The following CSMD2 variants were observed in gnomAD, a reference collection of about 807,000 sequenced individuals.
CSMD2 encodes the protein CUB and sushi domain-containing protein 2.
In CSMD2, 130 loss-of-function variants were observed where a neutral mutation model predicts 398.5. That is an observed-to-expected ratio of 0.33 (90% CI 0.28 to 0.38). The LOEUF is 0.38. Ranked by LOEUF, CSMD2 falls within the 10% of genes least tolerant of loss-of-function variation. The pLI is 1.00. For missense variants in CSMD2, 3,829 were observed against 4,764.9 expected (o/e 0.80, Z 5.78); for synonymous variants, 1,828 against 1,908.5 (o/e 0.96, Z 1.10).
Position 33,571,519 on chromosome 1 carries a change from T to C in CSMD2, c.7957+13A>G, listed in dbSNP as rs747498648. On this transcript the variant is annotated intron_variant, in intron 51 of 70. Coordinates refer to ENST00000373381, the MANE Select transcript of CSMD2 (RefSeq NM_001281956.2). ...CCCTGCTAAACTTGCCCACCCTCCC[T>C]TCCTGGGCTTACTTCGGCAGGTGGG... 12 of 1,435,750 alleles carry C rather than the reference T, an allele frequency of 8.4e-6. No individual in the cohort carries two copies. The South Asian group carries it at 2.1e-4, about 25-fold the overall frequency. The allele number at this position is 1,435,750 out of a possible 1,614,324, so 88.9% of individuals were successfully genotyped here. A position where few individuals can be genotyped will look rare whatever the true frequency, so the allele number is the denominator to read the frequency against.
chr1:34,092,386 AGATTGTCGGGGG>A (rs1403721936), intron 1 of CSMD2, among the ~76,000 whole-genome samples: 1 of 152,212 alleles, frequency 6.6e-6, no homozygotes, highest in African/African-American at 2.4e-5. Flanking sequence ...CTGGAAAAAT[AGATTGTCGGGGG>A]GAGGAGCCAA....
Position 33,635,177 on chromosome 1 carries a change from C to G in CSMD2, c.5086+37G>C, listed in dbSNP as rs371483149. ...TCATTTTGGAATGAGGGTGAGGAGT[C>G]AGAAAACATATGAACAACAACAACC... On this transcript the variant is annotated intron_variant, in intron 31 of 70. Transcript: ENST00000373381. The surrounding 1 kb of genome is among the most constrained non-coding windows in gnomAD (Gnocchi z 5.0). 4 of 1,330,752 alleles carry G rather than the reference C, an allele frequency of 3.0e-6. No individual in the cohort carries two copies. In the African/African-American group the frequency reaches 4.3e-5, roughly 14 times the overall value. The allele number at this position is 1,330,752 out of a possible 1,614,324, so 82.4% of individuals were successfully genotyped here.
Position 33,652,353 on chromosome 1 carries a change from G to T in CSMD2, c.4556C>A (p.Pro1519Gln). The T allele has an allele frequency of 6.2e-7, 1 of 1,614,144 alleles. No homozygotes were observed. Among genetic ancestry groups the T allele is most frequent in the Non-Finnish European group, 8.5e-7 (1 of 1,180,018 alleles). The change falls in exon 28 of 71, where the codon CCA (proline) becomes CAA (glutamine). Residue 1519 changes from proline to glutamine, a missense_variant. Around this residue, in one of 5 missense-constraint regions of CSMD2, gnomAD observed 2,001 missense variants for 2,567.1 expected, o/e 0.78. Coordinates refer to ENST00000373381, the MANE Select transcript of CSMD2 (RefSeq NM_001281956.2). ...AAATACCAGGGCGATGACGTAGTCT[G>T]GTGAGACGGTCACTTTCCAGTCACA... ...KECDWKVTVSPDYVIALVFNI... is the reference protein window; with the variant it reads ...KECDWKVTVSQDYVIALVFNI...
intron 1 of CSMD2, among the ~76,000 whole-genome samples, chr1:34,125,118 G>C (rs1662602461): frequency 6.6e-6 from 1 of 152,160 alleles, no homozygotes; most frequent in African/African-American, 2.4e-5. Flanking sequence ...GCCAACTCAG[G>C]GAGTGACAAA....
At chr1:33,875,012 A>G (rs1016157861) in intron 5 of CSMD2, among the ~76,000 whole-genome samples, 3 of 152,268 alleles carry the variant, frequency 2.0e-5, no homozygotes, top group East Asian at 3.9e-4. Context: ...TGTGCAAAGT[A>G]TCTACTCTGC....
intron 1 of CSMD2, among the ~76,000 whole-genome samples, chr1:34,097,545 T>C (rs1659470241): frequency 2.2e-5 from 3 of 135,252 alleles, no homozygotes; most frequent in East Asian, 2.2e-4. Flanking sequence ...GAATCTACAA[T>C]GAACTCAAAC....
intron 1 of CSMD2, among the ~76,000 whole-genome samples, chr1:34,145,525 C>G (rs1390484559): frequency 6.6e-6 from 1 of 152,186 alleles, no homozygotes; most frequent in East Asian, 1.9e-4. Context: ...TAGGTGGGAT[C>G]TGGGGAGAGC....
intron 1 of CSMD2, among the ~76,000 whole-genome samples, chr1:34,144,245 C>G (rs1558457189): frequency 6.6e-6 from 1 of 152,152 alleles, no homozygotes; most frequent in African/African-American, 2.4e-5. Flanking sequence ...CCAACCAGCT[C>G]AGGTCCAGAT....
intron 29 of CSMD2, among the ~76,000 whole-genome samples, chr1:33,639,904 C>T (rs115813969): frequency 2.4e-4 from 36 of 152,330 alleles, no homozygotes; most frequent in African/African-American, 8.4e-4. Context: ...TCACAATACC[C>T]TCTGCAGAAG....
At chr1:33,693,514 T>C (rs72662069) in intron 24 of CSMD2, among the ~76,000 whole-genome samples, 4,222 of 152,322 alleles carry the variant, frequency 0.028, 81 homozygotes, top group Non-Finnish European at 0.043. Flanking sequence ...ATGGTGCAGC[T>C]GCTTTCAAAA....
chr1:33,729,936 A>C (rs1283361067), intron 15 of CSMD2, among the ~76,000 whole-genome samples: 2 of 152,216 alleles, frequency 1.3e-5, no homozygotes, highest in Non-Finnish European at 2.9e-5. Flanking sequence ...TCTCTGACCC[A>C]GCAATTCTAT....
At chr1:33,783,559 C>G (rs12141105) in intron 12 of CSMD2, among the ~76,000 whole-genome samples, 19,288 of 151,836 alleles carry the variant, frequency 0.13, 1,594 homozygotes, top group Non-Finnish European at 0.18. Flanking sequence ...AAGCCCTCAT[C>G]AGAAACCAAA....
chr1:33,890,232 C>T (rs1246697880), intron 5 of CSMD2, among the ~76,000 whole-genome samples: 8 of 130,396 alleles, frequency 6.1e-5, no homozygotes, highest in East Asian at 2.2e-4. Context: ...CTTTTTCTTT[C>T]TTTTTTTTTT....
chr1:33,885,205 G>A (rs778869941), intron 5 of CSMD2: 1 of 152,092 alleles, frequency 6.6e-6, no homozygotes, highest in East Asian at 1.9e-4. Context: ...TTTGACTTCC[G>A]AGACATATCA....
At chr1:33,739,806 A>C (rs926901164) in intron 14 of CSMD2, among the ~76,000 whole-genome samples, 1 of 151,798 alleles carries the variant, frequency 6.6e-6, no homozygotes, top group Non-Finnish European at 1.5e-5. Context: ...ACGCTAATAG[A>C]CTCTAAGCAT....
intron 5 of CSMD2, chr1:33,862,862 C>A (rs771122070): frequency 2.6e-5 from 4 of 152,206 alleles, no homozygotes; most frequent in Non-Finnish European, 5.9e-5. Flanking sequence ...CTTTCTTTTA[C>A]AGAAGATGAA....
At chr1:34,027,167 A>G (rs1430412403) in intron 3 of CSMD2, among the ~76,000 whole-genome samples, 1 of 152,256 alleles carries the variant, frequency 6.6e-6, no homozygotes, top group Non-Finnish European at 1.5e-5. Flanking sequence ...TGCAAAAAGC[A>G]CTTACAAAGA....
intron 5 of CSMD2, among the ~76,000 whole-genome samples, chr1:33,849,554 A>C (rs967926619): frequency 6.6e-6 from 1 of 152,186 alleles, no homozygotes; most frequent in African/African-American, 2.4e-5. Context: ...GGGGTGATGG[A>C]AATGTCTTAC....
intron 11 of CSMD2, among the ~76,000 whole-genome samples, chr1:33,790,707 T>TATC (rs1169631342): frequency 7.2e-5 from 10 of 138,152 alleles, no homozygotes; most frequent in East Asian, 4.0e-4. Context: ...ATCTATCATC[T>TATC]ATCTGTCTAT....
Sources: gnomAD v4.1 joint callset for allele counts (sites outside exome capture counted in the v4.1 genomes callset) on GRCh38, gnomAD v4.1.1 for gene constraint, gnomAD v4.1.1 regional missense constraint, Gnocchi (gnomAD v3.1) non-coding constraint, MANE v1.5 for transcripts, NCBI Gene and HGNC (gene_info 2026-07-23, HGNC 2026-07-21) for gene names.